The following TIAM2 variants were observed in gnomAD, a reference collection of about 807,000 sequenced individuals.
TIAM2 encodes TIAM Rac1 associated GEF 2.
Under a neutral mutation model 152.9 loss-of-function variants are expected in TIAM2, and 80 were observed. The observed-to-expected ratio is 0.52, with a 90% CI of 0.44 to 0.63. TIAM2 has a LOEUF of 0.63. Ranked by LOEUF, TIAM2 falls within the 30% of genes least tolerant of loss-of-function variation. The probability of loss-of-function intolerance (pLI) is 0.00; values close to 1 mark genes in which losing one functional copy is unlikely to be tolerated. For missense variants in TIAM2, 1,965 were observed against 2,120.1 expected (o/e 0.93, Z 1.44); for synonymous variants, 804 against 838.0 (o/e 0.96, Z 0.70).
chr6:155,059,725 T>C (rs939372769), intron 1 of TIAM2, among the ~76,000 whole-genome samples: 1 of 152,202 alleles, frequency 6.6e-6, no homozygotes, highest in Non-Finnish European at 1.5e-5. Context: ...GCACATGATA[T>C]TAACACGACT....
intron 5 of TIAM2, among the ~76,000 whole-genome samples, chr6:155,139,965 C>CA (rs1562329382): frequency 5.9e-5 from 9 of 151,832 alleles, no homozygotes; most frequent in Non-Finnish European, 1.2e-4. Flanking sequence ...ACAAACAAAC[C>CA]AAAACAAGTA....
chr6:155,224,584 A>G (rs1238407733), intron 15 of TIAM2, among the ~76,000 whole-genome samples: 2 of 152,162 alleles, frequency 1.3e-5, no homozygotes, highest in African/African-American at 4.8e-5. Context: ...AGGAAGGAGG[A>G]GAATGGAGGT....
chr6:155,254,754 A>T, intron 26 of TIAM2, 181 bp downstream of exon 26: 1 of 660,098 alleles, frequency 1.5e-6, no homozygotes, highest in Non-Finnish European at 2.5e-6. Flanking sequence ...AAATACAGCC[A>T]CCCCCAACCC....
rs747581866 is a variant in TIAM2, at chr6:155,129,675, C to A, written c.452C>A (p.Pro151Gln). 2.0e-5 allele frequency: 33 copies of A among 1,614,150 alleles called. No individual in the cohort carries two copies. Among genetic ancestry groups the A allele is most frequent in the Non-Finnish European group, 2.6e-5 (31 of 1,180,044 alleles). The change falls in exon 4 of 27, where the codon CCA becomes CAA. Residue 151 changes from proline to glutamine, a missense_variant. Coordinates refer to ENST00000682666, the MANE Select transcript of TIAM2 (RefSeq NM_012454.4). The surrounding 1 kb of genome is among the most constrained non-coding windows in gnomAD (Gnocchi z 4.8). Reference sequence around the variant, plus strand: ...AGGAATGAGAGCATTGCCTCCACCCCACCGGGCGAAGACCGCAAGAGCCCC... The same window carrying A: ...AGGAATGAGAGCATTGCCTCCACCCAACCGGGCGAAGACCGCAAGAGCCCC... ...YGRNESIAST[P>Q]PGEDRKSPRV...
chr6:155,029,189 A>G (rs1776730570), intron 1 of TIAM2, among the ~76,000 whole-genome samples: 2 of 89,032 alleles, frequency 2.2e-5, no homozygotes, highest in Admixed American at 2.5e-4. Context: ...TATGTGTTAT[A>G]TACACTGTAT....
chr6:155,023,668 G>C (rs909822888), intron 1 of TIAM2, among the ~76,000 whole-genome samples: 1 of 152,132 alleles, frequency 6.6e-6, no homozygotes, highest in African/African-American at 2.4e-5. Flanking sequence ...GCGGGGAAAG[G>C]TCAGCAATAA....
chr6:155,208,486 T>TGAA (rs1490877542), intron 14 of TIAM2, among the ~76,000 whole-genome samples: 2 of 152,106 alleles, frequency 1.3e-5, no homozygotes, highest in African/African-American at 2.4e-5. Flanking sequence ...CATGTCTCTG[T>TGAA]GAAGGCCTTT....
At chr6:155,211,739 C>CT (rs936935464) in intron 15 of TIAM2, among the ~76,000 whole-genome samples, 4 of 151,418 alleles carry the variant, frequency 2.6e-5, no homozygotes, top group South Asian at 2.1e-4. Flanking sequence ...TAAAATATGC[C>CT]TTTTTTACTA....
chr6:155,129,842 G>C lies in TIAM2; in HGVS notation c.619G>C (p.Glu207Gln), dbSNP rs145714158. 149 of 1,613,526 alleles carry C rather than the reference G, an allele frequency of 9.2e-5. No individual in the cohort carries two copies. Among genetic ancestry groups the C allele is most frequent in the Non-Finnish European group, 1.1e-4 (133 of 1,180,036 alleles). ...LLRYSPTLASETSPVPEARRG... is the reference protein window; with the variant it reads ...LLRYSPTLASQTSPVPEARRG... ...GAGGTACTCACCTACCTTAGCATCGGAAACCTCCCCTGTGCCTGAAGCCAG... is the reference window on the plus strand; with the variant it reads ...GAGGTACTCACCTACCTTAGCATCGCAAACCTCCCCTGTGCCTGAAGCCAG... The change falls in exon 4 of 27, where the codon GAA becomes CAA. Residue 207 changes from glutamate (E) to glutamine (Q), a missense_variant. Glu to Gln is a conservative substitution (Grantham distance 29). Coordinates refer to ENST00000682666, the MANE Select transcript of TIAM2 (RefSeq NM_012454.4). This position sits in a 1 kb window ranked among gnomAD's most constrained non-coding sequence, Gnocchi z 4.8.
At position 155,218,163 on chromosome 6, in the gene TIAM2, T is replaced by A. The variant is rs1781913305; in HGVS notation, c.3168+6856T>A. Among the ~76,000 whole-genome samples the A allele has an allele frequency of 6.6e-6, 1 of 152,228 alleles. No homozygotes were observed. The highest frequency in any genetic ancestry group is 2.4e-5 in the African/African-American group (1 of 41,446). ...ACTTATTTATAAACCGTAGTCTTTC[T>A]CCATGGTTGCTATTCAATAGATGAA... On this transcript the variant is annotated intron_variant, in intron 15 of 26. Transcript: ENST00000682666. The surrounding 1 kb of genome is among the most constrained non-coding windows in gnomAD (Gnocchi z 4.5).
intron 7 of TIAM2, among the ~76,000 whole-genome samples, chr6:155,160,186 G>A (rs1371199886): frequency 1.3e-5 from 2 of 152,174 alleles, no homozygotes; most frequent in African/African-American, 4.8e-5. Context: ...ACAGCTGATG[G>A]TGTAGTTCTA....
chr6:155,161,522 C>T (rs1159802068), intron 7 of TIAM2, among the ~76,000 whole-genome samples: 1 of 151,972 alleles, frequency 6.6e-6, no homozygotes, highest in Non-Finnish European at 1.5e-5. Context: ...GTCTTCTTCC[C>T]CAACCTGTGG....
rs41284220 is a variant in TIAM2, at chr6:155,248,144, C to T, written c.3797C>T (p.Thr1266Met). The change falls in exon 20 of 27, where the codon ACG (threonine) becomes ATG (methionine). Residue 1266 changes from threonine (T) to methionine (M), a missense_variant. Transcript: ENST00000682666. ...CTGCTCAAGGAGCTGGTGTCCCTGA[C>T]GGACCAGGAGAGCGAGGAGCACTAC... ...PLLLKELVSL[T>M]DQESEEHYHL... 550 of 1,614,112 alleles carry T rather than the reference C, an allele frequency of 3.4e-4. 1 individual carries two copies. Among genetic ancestry groups the T allele is most frequent in the Middle Eastern group, 1.2e-3 (7 of 6,040 alleles).
At position 155,122,790 on chromosome 6, in the gene TIAM2, C is replaced by T. The variant is rs547593225; in HGVS notation, c.-117-4700C>T. Among the ~76,000 whole-genome samples, 21 of 151,844 alleles carry T rather than the reference C, an allele frequency of 1.4e-4. 1 individual carries two copies. The highest frequency in any genetic ancestry group is 5.9e-4 in the Admixed American group (9 of 15,238). On this transcript the variant is annotated intron_variant, in intron 2 of 26. Transcript: ENST00000682666. ...TAGAAAACCTTCACAGGGGTTGCTG[C>T]GGGTGACTGTACGTATACATACTTT...
chr6:155,081,727 G>A (rs1211404744), intron 1 of TIAM2, among the ~76,000 whole-genome samples: 4 of 152,166 alleles, frequency 2.6e-5, no homozygotes, highest in Non-Finnish European at 1.5e-5. Flanking sequence ...AAGTGGTTGA[G>A]GAATTTGTTT....
At chr6:155,012,612 G>A (rs554910501) in intron 1 of TIAM2, among the ~76,000 whole-genome samples, 6 of 152,108 alleles carry the variant, frequency 3.9e-5, no homozygotes, top group African/African-American at 7.2e-5. Context: ...GTGCAGTGGC[G>A]TGATCTTGGC....
intron 1 of TIAM2, among the ~76,000 whole-genome samples, chr6:155,011,874 G>GT (rs1210564735): frequency 6.6e-6 from 1 of 152,184 alleles, no homozygotes; most frequent in Non-Finnish European, 1.5e-5. Context: ...TTTTGGAGGG[G>GT]TTTTGGTGGG....
chr6:155,168,807 G>T, intron 9 of TIAM2: 1 of 1,500,222 alleles, frequency 6.7e-7, no homozygotes, highest in Non-Finnish European at 8.9e-7. Context: ...AATATTACAG[G>T]GCCATTTCAT....
chr6:155,079,206 C>T (rs1367774327), intron 1 of TIAM2, among the ~76,000 whole-genome samples: 3 of 152,062 alleles, frequency 2.0e-5, no homozygotes, highest in African/African-American at 7.2e-5. Flanking sequence ...GGATTACAGA[C>T]ACCCGCCACC....
Sources: allele counts gnomAD v4.1 joint callset (sites outside exome capture counted in the v4.1 genomes callset), GRCh38; gene constraint gnomAD v4.1.1; non-coding constraint Gnocchi (gnomAD v3.1); transcripts MANE v1.5; gene names NCBI Gene and HGNC (gene_info 2026-07-23, HGNC 2026-07-21).